SLC36A1: variants seen among roughly 807,000 people sequenced by gnomAD.
SLC36A1 encodes the protein proton-coupled amino acid transporter 1.
Under a neutral mutation model 47.5 loss-of-function variants are expected in SLC36A1, and 30 were observed. The observed-to-expected ratio is 0.63, with a 90% CI of 0.47 to 0.86. The LOEUF is 0.86. SLC36A1 is among the 40% of genes least tolerant of loss of function. The pLI is 0.00. For missense variants in SLC36A1, 517 were observed against 606.0 expected, an observed-to-expected ratio of 0.85 and a Z score of 1.54; for synonymous variants, 255 against 249.7, an observed-to-expected ratio of 1.02 and a Z score of -0.20.
At chr5:151,465,825 A>C (rs1756272612) in intron 5 of SLC36A1, among the ~76,000 whole-genome samples, 1 of 152,050 alleles carries the variant, frequency 6.6e-6, no homozygotes, top group Non-Finnish European at 1.5e-5. Flanking sequence ...ATGAGTTTGG[A>C]GGTGGGAAGT....
the SLC36A1 span, among the ~76,000 whole-genome samples, chr5:151,374,779 G>A: frequency 1.3e-5 from 2 of 152,128 alleles, no homozygotes; most frequent in Non-Finnish European, 2.9e-5. Flanking sequence ...TCTGACTGGT[G>A]TAACGTGATA....
chr5:151,531,752 G>A, the SLC36A1 span: 1 of 1,613,386 alleles, frequency 6.2e-7, no homozygotes, highest in Non-Finnish European at 8.5e-7. This position sits in a 1 kb window ranked among gnomAD's most constrained non-coding sequence, Gnocchi z 5.7. Context: ...AGGAACACGG[G>A]CAGGTAGTCT....
chr5:151,540,859 T>C, the SLC36A1 span: 1 of 1,150,420 alleles, frequency 8.7e-7, no homozygotes, highest in Non-Finnish European at 1.2e-6. Context: ...TTTTTTAGAA[T>C]TGTTGGGAAA....
chr5:151,360,000 T>C, the SLC36A1 span, among the ~76,000 whole-genome samples: 1 of 152,228 alleles, frequency 6.6e-6, no homozygotes, highest in Non-Finnish European at 1.5e-5. Context: ...CATACACGTT[T>C]TTTGTGGACG....
At chr5:151,409,850 A>T in the SLC36A1 span, among the ~76,000 whole-genome samples, 4 of 152,230 alleles carry the variant, frequency 2.6e-5, no homozygotes, top group African/African-American at 9.6e-5. Context: ...TGAATTCCAC[A>T]GATTCAGATC....
At chr5:151,536,871 C>T in the SLC36A1 span, among the ~76,000 whole-genome samples, 1 of 152,224 alleles carries the variant, frequency 6.6e-6, no homozygotes, top group Non-Finnish European at 1.5e-5. Flanking sequence ...ACCCTGGGGC[C>T]TCATTCTTTG....
At chr5:151,427,690 G>A in the SLC36A1 span, among the ~76,000 whole-genome samples, 2 of 152,122 alleles carry the variant, frequency 1.3e-5, no homozygotes, top group East Asian at 1.9e-4. Flanking sequence ...TCACTGGGGC[G>A]AGGGGGAGAC....
At chr5:151,479,932 A>G in intron 10 of SLC36A1, 1 of 571,700 alleles carries the variant, frequency 1.7e-6, no homozygotes. Flanking sequence ...AGGCTTTATG[A>G]TAGTATTCTA....
the SLC36A1 span, chr5:151,550,921 G>C: frequency 3.2e-6 from 5 of 1,578,976 alleles, no homozygotes; most frequent in Admixed American, 1.7e-5. Context: ...CAGGGGAACA[G>C]GGACTGGGTC....
upstream of SLC36A1, among the ~76,000 whole-genome samples, chr5:151,432,673 C>A (rs1759431140): frequency 6.6e-6 from 1 of 152,152 alleles, no homozygotes; most frequent in Non-Finnish European, 1.5e-5. Context: ...TTGACCCAAC[C>A]AGATGAACTC....
At chr5:151,347,992 C>T in the SLC36A1 span, among the ~76,000 whole-genome samples, 1 of 152,138 alleles carries the variant, frequency 6.6e-6, no homozygotes, top group African/African-American at 2.4e-5. Flanking sequence ...AAGAAAATAC[C>T]TACAAATCCC....
chr5:151,493,956 TC>T (rs746863035), downstream of SLC36A1, among the ~76,000 whole-genome samples: 10 of 152,210 alleles, frequency 6.6e-5, no homozygotes, highest in Admixed American at 1.3e-4. Flanking sequence ...GTTCTGGCTG[TC>T]CATCCATGCA....
the SLC36A1 span, chr5:151,537,899 G>A: frequency 1.5e-5 from 25 of 1,614,060 alleles, no homozygotes; most frequent in African/African-American, 3.1e-4. Flanking sequence ...CCTTCAAAAT[G>A]AAGTGTCCTG....
chr5:151,537,754 A>G, the SLC36A1 span: 1 of 1,585,122 alleles, frequency 6.3e-7, no homozygotes, highest in Non-Finnish European at 8.6e-7. Flanking sequence ...TATTCAGTAA[A>G]GAAGTTCTTG....
chr5:151,541,553 C>CA, the SLC36A1 span, among the ~76,000 whole-genome samples: 1 of 152,072 alleles, frequency 6.6e-6, no homozygotes, highest in Non-Finnish European at 1.5e-5. Flanking sequence ...GAGCCATGTT[C>CA]ATGGGAATGG....
intron 2 of SLC36A1, 146 bp downstream of exon 2, chr5:151,459,081 G>T: frequency 1.1e-6 from 1 of 876,500 alleles, no homozygotes; most frequent in Non-Finnish European, 1.6e-6. Flanking sequence ...ACTGCGCTGA[G>T]ATTTGCCTTC....
At chr5:151,521,130 A>G in the SLC36A1 span, 4 of 744,196 alleles carry the variant, frequency 5.4e-6, no homozygotes, top group African/African-American at 1.8e-5. Flanking sequence ...TGAGGCCACT[A>G]GCCGTCTTAT....
chr5:151,521,131 G>A, the SLC36A1 span: 7 of 741,814 alleles, frequency 9.4e-6, no homozygotes, highest in Admixed American at 9.0e-5. Flanking sequence ...GAGGCCACTA[G>A]CCGTCTTATG....
chr5:151,538,056 A>AGG, the SLC36A1 span: 2 of 883,526 alleles, frequency 2.3e-6, no homozygotes, highest in Admixed American at 5.2e-5. Flanking sequence ...AGACACTAAG[A>AGG]GGGCAGAGAC....
Sources: allele counts gnomAD v4.1 joint callset (sites outside exome capture counted in the v4.1 genomes callset), GRCh38; gene constraint gnomAD v4.1.1; non-coding constraint Gnocchi (gnomAD v3.1); transcripts MANE v1.5; gene names NCBI Gene and HGNC (gene_info 2026-07-23, HGNC 2026-07-21).